Variants in EIF4E2 observed in about 807,000 individuals in gnomAD.
EIF4E2 encodes the protein eukaryotic translation initiation factor 4E family member 2, also known as eukaryotic translation initiation factor 4E type 2.
EIF4E2 carries 13 observed loss-of-function variants against 34.2 expected under a neutral mutation model. The ratio of observed to expected loss-of-function variants is 0.38; its 90% CI spans 0.25 to 0.60. The LOEUF is 0.60. EIF4E2 is among the 20% of genes least tolerant of loss of function. The probability of loss-of-function intolerance (pLI) is 0.62; values close to 1 mark genes in which losing one functional copy is unlikely to be tolerated. For missense variants in EIF4E2, 222 were observed against 315.1 expected, an observed-to-expected ratio of 0.70 and a Z score of 2.24; for synonymous variants, 100 against 106.6, an observed-to-expected ratio of 0.94 and a Z score of 0.38.
At position 232,581,034 on chromosome 2, in the gene EIF4E2, T is replaced by C. The variant is rs146121234; in HGVS notation, c.*91T>C. 1.6e-5 allele frequency: 20 copies of C among 1,284,560 alleles called. No homozygotes were observed. The highest frequency in any genetic ancestry group is 2.1e-5 in the Non-Finnish European group (19 of 904,152). 79.6% of individuals were successfully genotyped at this position (1,284,560 alleles called of 1,614,324 possible). On this transcript the variant is annotated 3_prime_UTR_variant, in exon 7 of 7. Coordinates refer to the EIF4E2 transcript ENST00000409098. The surrounding 1 kb of genome is among the most constrained non-coding windows in gnomAD (Gnocchi z 5.2). ...TCCAGCCAGTCCTTCCATTGCTCACTGAAGGGACGTCCCTGAGCCGTGCGC... is the reference window on the plus strand; with the variant it reads ...TCCAGCCAGTCCTTCCATTGCTCACCGAAGGGACGTCCCTGAGCCGTGCGC...
chr2:232,579,123 TACACACACACACACAC>T lies in EIF4E2; in HGVS notation c.666-1752_666-1737del, dbSNP rs71056276. Among the ~76,000 whole-genome samples, 406 of 146,632 alleles carry T rather than the reference TACACACACACACACAC, an allele frequency of 2.8e-3. 3 individuals are homozygous for T. The highest frequency in any genetic ancestry group is 8.8e-3 in the African/African-American group (353 of 40,118). Reference sequence around the variant, plus strand: ...TATTTTCCCTAAGAGAACTCAGAAATACACACACACACACACACACACACACACACACACACACACA... The same window carrying T: ...TATTTTCCCTAAGAGAACTCAGAAATACACACACACACACACACACACACA... On this transcript the variant is annotated intron_variant, in intron 6 of 6. Coordinates refer to the EIF4E2 transcript ENST00000409098.
rs530543265 is a variant in EIF4E2, at chr2:232,564,083, T to C, written c.271-164T>C. On this transcript the variant is annotated intron_variant, in intron 3 of 6. Transcript: ENST00000258416. ...TAGATGGTATGTTTTTCCTCTAATA[T>C]GTCTTCCCTCACAACACCACACATG... 5.3e-5 allele frequency among the ~76,000 whole-genome samples: 8 copies of C among 152,370 alleles called. No homozygotes were observed. In the East Asian group the frequency reaches 5.8e-4, roughly 11 times the overall value.
chr2:232,573,972 GC>G, downstream of EIF4E2: 1 of 600,938 alleles, frequency 1.7e-6, no homozygotes, highest in Non-Finnish European at 3.1e-6. Flanking sequence ...GACCTTACTG[GC>G]CTCCCCTGGA....
chr2:232,572,520 C>A (rs1261175748), downstream of EIF4E2, among the ~76,000 whole-genome samples: 2 of 152,098 alleles, frequency 1.3e-5, no homozygotes, highest in Non-Finnish European at 2.9e-5. Flanking sequence ...TGCCCGCCAC[C>A]ATGCTTGGCT....
chr2:232,552,380 T>C (rs1291277648), intron 1 of EIF4E2, among the ~76,000 whole-genome samples: 1 of 152,000 alleles, frequency 6.6e-6, no homozygotes, highest in Non-Finnish European at 1.5e-5. Flanking sequence ...CTTGCTAATT[T>C]TTTTGTATTT....
chr2:232,568,181 ATGT>A (rs1693001629), intron 6 of EIF4E2: 2 of 985,154 alleles, frequency 2.0e-6, no homozygotes, highest in Admixed American at 6.2e-5. Flanking sequence ...GAATATCATC[ATGT>A]TGTTATTATT....
chr2:232,580,850 G>A, intron 6 of EIF4E2: 1 of 1,470,992 alleles, frequency 6.8e-7, no homozygotes, highest in Non-Finnish European at 9.2e-7. Flanking sequence ...GTGTGCTTCT[G>A]TATAGATGAT....
In EIF4E2 at chr2:232,556,438, G is replaced by T; in HGVS notation, c.43G>T (p.Asp15Tyr). The change falls in exon 2 of 7, where the codon GAC becomes TAC. Residue 15 changes from aspartate (D) to tyrosine (Y), a missense_variant. By Grantham distance (160) the Asp-to-Tyr change is radical. Transcript: ENST00000258416. ...FDALKDDDSG[D>Y]HDQNEENSTQ... ...CAGTTTGAAAGATGATGACAGTGGG[G>T]ACCATGATCAGAATGAAGAAAACAG... is the stretch of plus-strand genomic sequence containing the variant. The T allele has an allele frequency of 6.2e-7, 1 of 1,613,770 alleles. No individual in the cohort carries two copies. The highest frequency in any genetic ancestry group is 8.5e-7 in the Non-Finnish European group (1 of 1,179,872).
downstream of EIF4E2, among the ~76,000 whole-genome samples, chr2:232,570,398 TC>T (rs766494555): frequency 1.5e-4 from 23 of 152,220 alleles, no homozygotes; most frequent in Non-Finnish European, 2.9e-4. Flanking sequence ...TCTGGCTCTT[TC>T]CCTCTTGCCT....
chr2:232,567,955 G>GT (rs1692992139), intron 6 of EIF4E2: 1 of 976,502 alleles, frequency 1.0e-6, no homozygotes, highest in Non-Finnish European at 1.2e-6. Context: ...GGACTCTTAG[G>GT]TTTAGTTCTC....
chr2:232,572,754 G>C (rs981537611), downstream of EIF4E2, among the ~76,000 whole-genome samples: 3 of 152,172 alleles, frequency 2.0e-5, no homozygotes, highest in Admixed American at 1.3e-4. Context: ...TGTAATACTG[G>C]AATGGAGTAG....
At chr2:232,565,694 C>T (rs777650450) in intron 4 of EIF4E2, among the ~76,000 whole-genome samples, 1 of 152,132 alleles carries the variant, frequency 6.6e-6, no homozygotes, top group Non-Finnish European at 1.5e-5. Context: ...CTTGTTCTTC[C>T]TTAACATAGT....
chr2:232,567,239 G>GCC, intron 6 of EIF4E2, 25 bp downstream of exon 6: 2 of 1,613,782 alleles, frequency 1.2e-6, no homozygotes, highest in Non-Finnish European at 1.7e-6. Flanking sequence ...GTTATGGGAG[G>GCC]ACGTGTCCCT....
intron 1 of EIF4E2, among the ~76,000 whole-genome samples, 177 bp from the exon 2 acceptor site, chr2:232,556,239 C>T (rs971907508): frequency 1.3e-5 from 2 of 152,180 alleles, no homozygotes; most frequent in African/African-American, 2.4e-5. Context: ...ATGGGTGTTT[C>T]GTTTTTGTTT....
At chr2:232,570,222 A>G (rs1040309442), downstream of EIF4E2, among the ~76,000 whole-genome samples, 1 of 152,050 alleles carries the variant, frequency 6.6e-6, no homozygotes, top group Non-Finnish European at 1.5e-5. Context: ...CATAACACCT[A>G]TTAGGATTAG....
At position 232,581,188 on chromosome 2, in the gene EIF4E2, A is replaced by AT. The variant is rs1054294425; in HGVS notation, c.*246dup. 4.8e-6 allele frequency: 3 copies of AT among 623,286 alleles called. No homozygotes were observed. The highest frequency in any genetic ancestry group is 1.8e-5 in the African/African-American group (1 of 55,374). The allele number at this position is 623,286 out of a possible 1,614,324, so 38.6% of individuals were successfully genotyped here. ...AAACATTGTTTTTTAATGGGGTTCC[A>AT]TGGGGGGGCGTTCAGCCTTTCTGTT... is the stretch of plus-strand genomic sequence containing the variant. On this transcript the variant is annotated 3_prime_UTR_variant, in exon 7 of 7. Transcript: ENST00000409098. This position sits in a 1 kb window ranked among gnomAD's most constrained non-coding sequence, Gnocchi z 5.2.
Position 232,568,278 on chromosome 2 carries a change from G to A in EIF4E2, c.666-667G>A, listed in dbSNP as rs143986099. ...TTCCCATGCATTCATAGATAATGTG[G>A]AGTGGAGTTGGCTTAAACCAGCTAA... On this transcript the variant is annotated intron_variant, in intron 6 of 6. Coordinates refer to ENST00000258416, the MANE Select transcript of EIF4E2 (RefSeq NM_004846.4). 6.7e-4 allele frequency: 662 copies of A among 985,388 alleles called. 4 individuals carry two copies. In the African/African-American group the frequency reaches 8.2e-3, roughly 12 times the overall value. The allele number at this position is 985,388 out of a possible 1,614,324, so 61.0% of individuals were successfully genotyped here. A position where few individuals can be genotyped will look rare whatever the true frequency, so the allele number is the denominator to read the frequency against.
intron 6 of EIF4E2, 63 bp from the exon 7 acceptor site, chr2:232,568,882 A>G (rs559724339): frequency 6.2e-6 from 10 of 1,608,234 alleles, no homozygotes; most frequent in Admixed American, 1.7e-5. Context: ...CCCAGATGCT[A>G]CTTTCCCTTG....
In EIF4E2 at chr2:232,564,228, T is replaced by C. The variant is rs372928154; in HGVS notation, c.271-19T>C. 13 of 1,541,828 alleles carry C rather than the reference T, an allele frequency of 8.4e-6. No homozygotes were observed. The East Asian group carries it at 1.8e-4, about 22-fold the overall frequency. On this transcript the variant is annotated intron_variant, in intron 3 of 6. Transcript: ENST00000258416. Reference sequence around the variant, plus strand: ...AGTAAAAGACACATGTTTTTTACTCTGGGGTCTTCTCTCTGCAGGTGGAGC... The same window carrying C: ...AGTAAAAGACACATGTTTTTTACTCCGGGGTCTTCTCTCTGCAGGTGGAGC...
Sources: allele counts gnomAD v4.1 joint callset (sites outside exome capture counted in the v4.1 genomes callset), GRCh38; gene constraint gnomAD v4.1.1; non-coding constraint Gnocchi (gnomAD v3.1); transcripts MANE v1.5; gene names NCBI Gene and HGNC (gene_info 2026-07-23, HGNC 2026-07-21).